The following TMBIM6 variants were observed in gnomAD, a reference collection of about 807,000 sequenced individuals.
TMBIM6 encodes the protein transmembrane BAX inhibitor motif containing 6, also known as bax inhibitor 1.
A neutral mutation model predicts 31.4 loss-of-function variants in TMBIM6; 13 were observed. The ratio of observed to expected loss-of-function variants is 0.41; its 90% CI spans 0.27 to 0.66. The LOEUF is 0.66. Ranked by LOEUF, TMBIM6 falls within the 30% of genes least tolerant of loss-of-function variation. The pLI is 0.28. For synonymous variants in TMBIM6, 85 were observed against 101.7 expected (o/e 0.84, Z 0.99); for missense variants, 275 against 289.5 (o/e 0.95, Z 0.36).
rs541791798 is a variant in TMBIM6 at position 49,758,153 on chromosome 12, G to A, written c.287-74G>A. On this transcript the variant is annotated intron_variant, in intron 4 of 9. Transcript: ENST00000267115. ...AAGAGCATGAGTATGCCTATATTTC[G>A]GGATCAGCTTTTGGATGAGGATCCT... 2.1e-5 allele frequency: 32 copies of A among 1,540,158 alleles called. No individual in the cohort carries two copies. The African/African-American group carries it at 3.3e-4, about 16-fold the overall frequency.
At chr12:49,744,752 A>G (rs1038533430) in intron 1 of TMBIM6, among the ~76,000 whole-genome samples, 1 of 152,182 alleles carries the variant, frequency 6.6e-6, no homozygotes, top group African/African-American at 2.4e-5. Context: ...GAGCTTCACC[A>G]GTGAGGGTGA....
chr12:49,753,147 A>G (rs895490345), intron 3 of TMBIM6, 66 bp downstream of exon 3: 4 of 1,248,694 alleles, frequency 3.2e-6, no homozygotes, highest in Non-Finnish European at 4.6e-6. Context: ...CAGCTCAGCA[A>G]GGTGGTCCAA....
Position 49,761,726 on chromosome 12 carries a change from G to A in TMBIM6, c.637G>A (p.Asp213Asn). ...YIWHCIDLFL[D>N]FITVFRKLMM... ...CAGGCACTGCATTGATCTCTTCTTA[G>A]ATTTCATTACTGTCTTCAGAAAACT... The change falls in exon 9 of 10, where the codon GAT becomes AAT. Residue 213 changes from aspartate to asparagine, a missense_variant. Physicochemically the swap from Asp to Asn is conservative, Grantham distance 23 (BLOSUM62 1). Coordinates refer to ENST00000267115, the MANE Select transcript of TMBIM6 (RefSeq NM_003217.3). 6.2e-7 allele frequency: 1 copy of A among 1,614,194 alleles called. No homozygotes were observed. Among genetic ancestry groups the A allele is most frequent in the Non-Finnish European group, 8.5e-7 (1 of 1,180,032 alleles).
At chr12:49,752,925 A>T (rs758305530) in intron 2 of TMBIM6, 48 bp from the exon 3 acceptor site, 1 of 1,514,914 alleles carries the variant, frequency 6.6e-7, no homozygotes, top group African/African-American at 1.4e-5. Flanking sequence ...TAGCTTAAAT[A>T]TGAGATTGAT....
chr12:49,759,691 C>T (rs986279607), intron 8 of TMBIM6, among the ~76,000 whole-genome samples: 2 of 151,834 alleles, frequency 1.3e-5, no homozygotes, highest in African/African-American at 4.8e-5. Flanking sequence ...TATATAATCC[C>T]AGCTACTCAG....
intron 1 of TMBIM6, among the ~76,000 whole-genome samples, chr12:49,751,361 A>C (rs1176859871): frequency 6.6e-6 from 1 of 152,160 alleles, no homozygotes; most frequent in Non-Finnish European, 1.5e-5. Context: ...GTTAGGGAAA[A>C]AATATTTTTA....
Position 49,761,752 on chromosome 12 carries a change from C to T in TMBIM6, c.663C>T (p.Leu221=), listed in dbSNP as rs1945723841. The T allele has an allele frequency of 3.1e-6, 5 of 1,614,122 alleles. No individual in the cohort carries two copies. Among genetic ancestry groups the T allele is most frequent in the Admixed American group, 1.7e-5 (1 of 60,006 alleles). The change falls in exon 9 of 10, where the codon CTC becomes CTT. Residue 221 remains leucine (L), a synonymous_variant. Coordinates refer to ENST00000267115, the MANE Select transcript of TMBIM6 (RefSeq NM_003217.3). ...ATTTCATTACTGTCTTCAGAAAACTCATGATGATCCTGGCCATGAATGAAA... is the reference window on the plus strand; with the variant it reads ...ATTTCATTACTGTCTTCAGAAAACTTATGATGATCCTGGCCATGAATGAAA... The part of the protein sequence containing the change: ...FLDFITVFRK[L]MMILAMNEKD...
intron 1 of TMBIM6, 74 bp from the exon 2 acceptor site, chr12:49,752,390 C>CTTTTT: frequency 1.1e-6 from 1 of 871,850 alleles, no homozygotes; most frequent in Non-Finnish European, 1.7e-6. Context: ...TTACATGTTG[C>CTTTTT]TTTTTTTTTT....
intron 3 of TMBIM6, 85 bp downstream of exon 3, chr12:49,753,166 G>C: frequency 3.1e-6 from 3 of 959,452 alleles, no homozygotes; most frequent in South Asian, 3.0e-5. Flanking sequence ...AAGGGACCCT[G>C]TTCCTCTCTT....
At chr12:49,752,923 A>C in intron 2 of TMBIM6, 50 bp from the exon 3 acceptor site, 3 of 1,514,368 alleles carry the variant, frequency 2.0e-6, no homozygotes, top group Non-Finnish European at 2.7e-6. Context: ...CTTAGCTTAA[A>C]TATGAGATTG....
intron 1 of TMBIM6, among the ~76,000 whole-genome samples, chr12:49,749,148 G>C (rs1317789227): frequency 6.6e-6 from 1 of 152,136 alleles, no homozygotes; most frequent in Non-Finnish European, 1.5e-5. Flanking sequence ...AACTTGGTAA[G>C]TTTATTTTAT....
intron 1 of TMBIM6, among the ~76,000 whole-genome samples, chr12:49,747,608 C>T (rs1348277252): frequency 6.6e-6 from 1 of 152,196 alleles, no homozygotes; most frequent in East Asian, 1.9e-4. Context: ...TGTGCATGGC[C>T]TTTTTCCTTT....
In TMBIM6 at chr12:49,764,725, A is replaced by AG. The variant is rs1237927962; in HGVS notation, c.*1829_*1830insG. On this transcript the variant is annotated 3_prime_UTR_variant, in exon 10 of 10. Transcript: ENST00000267115. The stretch of plus-strand genomic sequence containing the variant: ...GACAAGATATTAAAAAAAAAAAAGA[A>AG]AGAAAAAAAAAAAAACACCTACTTT... 3.8e-5 allele frequency: 5 copies of AG among 131,076 alleles called. No homozygotes were observed. The East Asian group carries it at 1.1e-3, about 28-fold the overall frequency. The allele number at this position is 131,076 out of a possible 1,614,324, so 8.1% of individuals were successfully genotyped here.
chr12:49,761,637 G>T, intron 8 of TMBIM6, 67 bp from the exon 9 acceptor site: 1 of 1,489,670 alleles, frequency 6.7e-7, no homozygotes, highest in South Asian at 1.2e-5. Flanking sequence ...TTTATATTCT[G>T]CATCTTTGTG....
At chr12:49,747,390 C>T (rs1296558748) in intron 1 of TMBIM6, among the ~76,000 whole-genome samples, 1 of 152,036 alleles carries the variant, frequency 6.6e-6, no homozygotes, top group Non-Finnish European at 1.5e-5. Context: ...CTCACTGCAG[C>T]CTGAAATTCC....
At chr12:49,758,870 TA>T in intron 7 of TMBIM6, 108 bp downstream of exon 7, 1 of 953,104 alleles carries the variant, frequency 1.0e-6, no homozygotes, top group East Asian at 2.5e-5. Flanking sequence ...CAGTGCTCTC[TA>T]AGCCTTCCCA....
chr12:49,758,194 G>A (rs2720305), intron 4 of TMBIM6, 33 bp from the exon 5 acceptor site: 533,687 of 1,613,138 alleles, frequency 0.33, 99,313 homozygotes, highest in East Asian at 0.75. Context: ...AGAATTGATC[G>A]TAATACTGTG....
chr12:49,753,924 CT>C lies in TMBIM6; in HGVS notation c.165+859del, dbSNP rs201872079. Among the ~76,000 whole-genome samples the C allele has an allele frequency of 1.3e-3, 179 of 138,284 alleles. 1 individual carries two copies. Among genetic ancestry groups the C allele is most frequent in the East Asian group, 4.9e-3 (24 of 4,858 alleles). The allele number at this position is 138,284 out of a possible 152,430, so 90.7% of individuals were successfully genotyped here. On this transcript the variant is annotated intron_variant, in intron 3 of 9. Transcript: ENST00000267115. ...AACCCCAAAATCAATACTCATGGCACTTTTTTTTTTTTTTTTGAGACAGAGT... is the reference window on the plus strand; with the variant it reads ...AACCCCAAAATCAATACTCATGGCACTTTTTTTTTTTTTTTGAGACAGAGT...
chr12:49,752,835 C>G, intron 2 of TMBIM6, 138 bp from the exon 3 acceptor site: 2 of 855,220 alleles, frequency 2.3e-6, no homozygotes, highest in Non-Finnish European at 3.6e-6. Context: ...TTGTAATATG[C>G]TTTCCTAAAA....
Sources: gnomAD v4.1 joint callset for allele counts (sites outside exome capture counted in the v4.1 genomes callset) on GRCh38, gnomAD v4.1.1 for gene constraint, MANE v1.5 for transcripts, NCBI Gene and HGNC (gene_info 2026-07-23, HGNC 2026-07-21) for gene names.